The following EEF2K variants were observed in gnomAD, a reference collection of about 807,000 sequenced individuals.
EEF2K encodes eukaryotic elongation factor 2 kinase.
A neutral mutation model predicts 93.8 loss-of-function variants in EEF2K; 70 were observed. That is an observed-to-expected ratio of 0.75 (90% confidence interval 0.62 to 0.91). The LOEUF (loss-of-function observed/expected upper bound fraction) is 0.91. Among genes scored for constraint, EEF2K ranks in the 40% least tolerant of loss-of-function variants. The pLI, the probability that EEF2K is intolerant of heterozygous loss-of-function variation, is 0.00. For missense variants in EEF2K, 935 were observed against 972.9 expected (o/e 0.96, Z 0.52); for synonymous variants, 376 against 380.8 (o/e 0.99, Z 0.15).
chr16:22,215,891 C>T (rs914172037), intron 1 of EEF2K, among the ~76,000 whole-genome samples: 1 of 152,202 alleles, frequency 6.6e-6, no homozygotes, highest in Non-Finnish European at 1.5e-5. Flanking sequence ...CGCCACTGCA[C>T]TCCAGCCTGG....
chr16:22,262,120 T>C (rs1159382585), intron 11 of EEF2K, among the ~76,000 whole-genome samples: 1 of 152,178 alleles, frequency 6.6e-6, no homozygotes, highest in Non-Finnish European at 1.5e-5. Context: ...GAGAGAGCTA[T>C]AATTCAATGT....
chr16:22,279,298 C>T (rs1462467124), intron 16 of EEF2K, among the ~76,000 whole-genome samples: 1 of 148,800 alleles, frequency 6.7e-6, no homozygotes, highest in East Asian at 2.0e-4. Context: ...AGTGCAGTGG[C>T]ATGATCATAG....
intron 4 of EEF2K, 137 bp from the exon 5 acceptor site, chr16:22,250,517 T>G: frequency 2.0e-6 from 2 of 1,008,226 alleles, no homozygotes; most frequent in Non-Finnish European, 3.0e-6. Context: ...AGAAGGGAGA[T>G]CCCCAGGGAT....
At chr16:22,277,135 T>TTA in intron 16 of EEF2K, among the ~76,000 whole-genome samples, 1 of 152,246 alleles carries the variant, frequency 6.6e-6, no homozygotes, top group Non-Finnish European at 1.5e-5. Flanking sequence ...TAAATTTAAC[T>TTA]TTTATTTATT....
intron 2 of EEF2K, among the ~76,000 whole-genome samples, chr16:22,242,469 C>T (rs576532668): frequency 2.0e-5 from 3 of 151,850 alleles, no homozygotes; most frequent in Admixed American, 6.6e-5. Context: ...TACACGTATG[C>T]ACCCAGCTTT....
Position 22,257,247 on chromosome 16 carries a change from C to T in EEF2K, c.769-6C>T, listed in dbSNP as rs768077713. ...GACATCTCGTTTTCCTTCCTGTCCC[C>T]TGTAGGCCTTCAGCCACTTCACTTT... On this transcript the variant is annotated splice_polypyrimidine_tract_variant and splice_region_variant and intron_variant, in intron 7 of 17. Transcript: ENST00000263026. 7 of 1,614,044 alleles carry T rather than the reference C, an allele frequency of 4.3e-6. No homozygotes were observed. Among genetic ancestry groups the T allele is most frequent in the Non-Finnish European group, 5.9e-6 (7 of 1,180,026 alleles).
chr16:22,214,281 C>T (rs1316149503), intron 1 of EEF2K, among the ~76,000 whole-genome samples: 1 of 151,648 alleles, frequency 6.6e-6, no homozygotes, highest in Non-Finnish European at 1.5e-5. Context: ...GGTGCAGTAG[C>T]TCATGCATGT....
At position 22,231,601 on chromosome 16, in the gene EEF2K, T is replaced by G. The variant is rs2047115975; in HGVS notation, c.246+5626T>G. Among the ~76,000 whole-genome samples the G allele has an allele frequency of 2.0e-5, 3 of 152,106 alleles. No individual in the cohort carries two copies. The South Asian group carries it at 6.2e-4, about 31-fold the overall frequency. ...TTTTAAAGTTACACATATGTATCAC[T>G]TATGTGGAGAAAAAGATGTTGTTAA... On this transcript the variant is annotated intron_variant, in intron 2 of 17. Coordinates refer to ENST00000263026, the MANE Select transcript of EEF2K (RefSeq NM_013302.5).
chr16:22,214,793 GGT>G (rs1313021730), intron 1 of EEF2K, among the ~76,000 whole-genome samples: 1 of 152,208 alleles, frequency 6.6e-6, no homozygotes, highest in Non-Finnish European at 1.5e-5. Context: ...TCCAGGCAGA[GGT>G]GTTACTGGTG....
intron 7 of EEF2K, 23 bp downstream of exon 7, chr16:22,256,920 C>T (rs777297433): frequency 6.2e-7 from 1 of 1,612,162 alleles, no homozygotes; most frequent in South Asian, 1.1e-5. Flanking sequence ...TCACCTCCAC[C>T]CTCTGCCCAC....
At chr16:22,260,363 A>AT in intron 10 of EEF2K, 99 bp from the exon 11 acceptor site, 1 of 1,101,188 alleles carries the variant, frequency 9.1e-7, no homozygotes, top group Non-Finnish European at 1.3e-6. Context: ...AAAAAAAAAA[A>AT]GGCTTGGTGG....
intron 5 of EEF2K, 91 bp downstream of exon 5, chr16:22,250,782 T>C: frequency 2.6e-6 from 4 of 1,551,186 alleles, no homozygotes; most frequent in Non-Finnish European, 3.5e-6. Flanking sequence ...AGCCAAGGAA[T>C]GGAGCCAGGG....
chr16:22,226,008 TG>T lies in EEF2K; in HGVS notation c.246+35del, dbSNP rs773066323. ...AGCCACCTATTCCACCTTCCCCACCTGGCTTAGCTGCTGTAAGGGATGGAGG... is the reference window on the plus strand; with the variant it reads ...AGCCACCTATTCCACCTTCCCCACCTGCTTAGCTGCTGTAAGGGATGGAGG... On this transcript the variant is annotated intron_variant, in intron 2 of 17. Coordinates refer to ENST00000263026, the MANE Select transcript of EEF2K (RefSeq NM_013302.5). 127 of 1,608,414 alleles carry T rather than the reference TG, an allele frequency of 7.9e-5. 1 individual carries two copies. The South Asian group carries it at 1.2e-3, about 15-fold the overall frequency.
chr16:22,213,424 C>T (rs2046933500), intron 1 of EEF2K, among the ~76,000 whole-genome samples: 3 of 152,200 alleles, frequency 2.0e-5, no homozygotes, highest in Admixed American at 1.3e-4. Context: ...GGCCTCTATC[C>T]ACTAGATGCT....
At chr16:22,282,721 G>A (rs567044937) in intron 17 of EEF2K, among the ~76,000 whole-genome samples, 16 of 152,252 alleles carry the variant, frequency 1.1e-4, no homozygotes, top group South Asian at 2.1e-4. Context: ...TGGACTTGCC[G>A]GGCTCTAGAA....
intron 16 of EEF2K, among the ~76,000 whole-genome samples, chr16:22,278,075 C>T (rs1342849218): frequency 6.6e-6 from 1 of 152,058 alleles, no homozygotes; most frequent in Non-Finnish European, 1.5e-5. Context: ...GGCGTGGTGA[C>T]ATGCCCCTGT....
At chr16:22,242,452 CTGGGAT>C in intron 2 of EEF2K, among the ~76,000 whole-genome samples, 1 of 151,934 alleles carries the variant, frequency 6.6e-6, no homozygotes, top group South Asian at 2.1e-4. Context: ...TCCCGAGTAT[CTGGGAT>C]TACACGTATG....
intron 1 of EEF2K, among the ~76,000 whole-genome samples, chr16:22,210,466 T>A (rs2046904615): frequency 6.6e-6 from 1 of 152,132 alleles, no homozygotes; most frequent in Non-Finnish European, 1.5e-5. Context: ...GCTTGAGAAT[T>A]TGCATTACCA....
intron 12 of EEF2K, among the ~76,000 whole-genome samples, chr16:22,264,149 G>A (rs535821133): frequency 2.2e-4 from 34 of 151,742 alleles, no homozygotes; most frequent in South Asian, 6.3e-4. Flanking sequence ...AAAATTAGCC[G>A]GGTGCAGTGG....
Sources: gnomAD v4.1 joint callset for allele counts (sites outside exome capture counted in the v4.1 genomes callset) on GRCh38, gnomAD v4.1.1 for gene constraint, MANE v1.5 for transcripts, NCBI Gene and HGNC (gene_info 2026-07-23, HGNC 2026-07-21) for gene names.